The following TSPAN8 variants were observed in gnomAD, a reference collection of about 807,000 sequenced individuals.
TSPAN8 encodes tetraspanin 8.
In TSPAN8, 21 loss-of-function variants were observed where a neutral mutation model predicts 32.8. The ratio of observed to expected loss-of-function variants is 0.64; its 90% CI spans 0.45 to 0.92. The LOEUF (loss-of-function observed/expected upper bound fraction) is 0.92. Among genes scored for constraint, TSPAN8 ranks in the 40% least tolerant of loss-of-function variants. The pLI is 0.00. For synonymous variants in TSPAN8, 95 were observed against 94.6 expected, an observed-to-expected ratio of 1.00 and a Z score of -0.03; for missense variants, 269 against 281.9, an observed-to-expected ratio of 0.95 and a Z score of 0.33.
intron 2 of TSPAN8, chr12:71,157,230 G>A (rs895633005): frequency 1.8e-5 from 3 of 169,244 alleles, no homozygotes; most frequent in Admixed American, 1.2e-4. Context: ...AGTGAAGGGC[G>A]GGAATCAGGA....
At chr12:71,139,610 G>T in intron 4 of TSPAN8, 101 bp downstream of exon 4, 1 of 1,433,300 alleles carries the variant, frequency 7.0e-7, no homozygotes, top group Non-Finnish European at 9.4e-7. Context: ...TGGAGTTAGA[G>T]TTTCATCAAT....
chr12:71,148,398 C>T (rs1872142705), intron 2 of TSPAN8, among the ~76,000 whole-genome samples: 1 of 152,076 alleles, frequency 6.6e-6, no homozygotes, highest in South Asian at 2.1e-4. Flanking sequence ...GCATTATTTG[C>T]TTGTTTTCTT....
chr12:71,136,020 G>T (rs977509357), intron 6 of TSPAN8, among the ~76,000 whole-genome samples: 2 of 151,930 alleles, frequency 1.3e-5, no homozygotes, highest in Non-Finnish European at 2.9e-5. Context: ...TCAGCTTTCG[G>T]AAATGATGCT....
chr12:71,147,793 CAA>C (rs1682728550), intron 2 of TSPAN8, among the ~76,000 whole-genome samples: 1 of 152,162 alleles, frequency 6.6e-6, no homozygotes, highest in Non-Finnish European at 1.5e-5. Flanking sequence ...AACAAAGTCT[CAA>C]GAGGGTACAA....
In TSPAN8 at chr12:71,143,402, G is replaced by A. The variant is rs562682873; in HGVS notation, c.123+749C>T. ...CTGTGGCATGGAACAGATACCACACGTATGGGGTCCAATAGCTGGAGCCAG... is the reference window on the plus strand; with the variant it reads ...CTGTGGCATGGAACAGATACCACACATATGGGGTCCAATAGCTGGAGCCAG... On this transcript the variant is annotated intron_variant, in intron 3 of 8. Transcript: ENST00000247829. 1.1e-4 allele frequency among the ~76,000 whole-genome samples: 16 copies of A among 152,208 alleles called. No homozygotes were observed. In the East Asian group the frequency reaches 2.5e-3, roughly 24 times the overall value.
chr12:71,155,123 A>G (rs1371006816), intron 2 of TSPAN8, among the ~76,000 whole-genome samples: 3 of 152,238 alleles, frequency 2.0e-5, no homozygotes, highest in Admixed American at 2.0e-4. Flanking sequence ...AAAAAATATT[A>G]AAAATGGGAT....
chr12:71,139,359 C>A (rs1178524532), intron 4 of TSPAN8: 8 of 452,878 alleles, frequency 1.8e-5, no homozygotes, highest in Non-Finnish European at 3.3e-5. Flanking sequence ...CTTCTGGGGC[C>A]ACTCCCACTG....
At position 71,157,989 on chromosome 12, in the gene TSPAN8, C is replaced by T. The variant is rs1321366698; in HGVS notation, c.-169G>A. 3.2e-6 allele frequency: 1 copy of T among 315,828 alleles called. No homozygotes were observed. The highest frequency in any genetic ancestry group is 5.9e-6 in the Non-Finnish European group (1 of 170,126). 19.6% of individuals were successfully genotyped at this position (315,828 alleles called of 1,614,324 possible). Reference sequence around the variant, plus strand: ...GTATGTTCCTTTGCTTGTCATAGCTCCTGGGGCACTGGGCCAGGATATTTA... The same window carrying T: ...GTATGTTCCTTTGCTTGTCATAGCTTCTGGGGCACTGGGCCAGGATATTTA... On this transcript the variant is annotated 5_prime_UTR_variant, in exon 1 of 9. Coordinates refer to ENST00000247829, the MANE Select transcript of TSPAN8 (RefSeq NM_004616.3).
At chr12:71,135,246 GGAGGAGGAGGTAAGAA>G (rs1871649176) in intron 6 of TSPAN8, among the ~76,000 whole-genome samples, 1 of 63,792 alleles carries the variant, frequency 1.6e-5, no homozygotes, top group Admixed American at 2.1e-4. Flanking sequence ...AGGAGGAGGA[GGAGGAGGAGGTAAGAA>G]GAGGAGGAGG....
At chr12:71,131,027 T>A (rs1275820714) in intron 7 of TSPAN8, among the ~76,000 whole-genome samples, 2 of 152,200 alleles carry the variant, frequency 1.3e-5, no homozygotes, top group African/African-American at 2.4e-5. Context: ...ATAGTTTTTT[T>A]AGAATAATTC....
intron 6 of TSPAN8, among the ~76,000 whole-genome samples, chr12:71,137,494 G>A (rs150221282): frequency 6.6e-6 from 1 of 151,932 alleles, no homozygotes; most frequent in Admixed American, 6.6e-5. Flanking sequence ...CAGCTACTCA[G>A]GAGGCTGAGA....
intron 2 of TSPAN8, among the ~76,000 whole-genome samples, chr12:71,151,754 C>T (rs950063071): frequency 1.3e-5 from 2 of 152,180 alleles, no homozygotes; most frequent in Non-Finnish European, 2.9e-5. Context: ...CAACATGTAT[C>T]CTATATTCCT....
chr12:71,142,859 A>AAG (rs1349723050), intron 3 of TSPAN8, among the ~76,000 whole-genome samples: 1 of 151,802 alleles, frequency 6.6e-6, no homozygotes, highest in Non-Finnish European at 1.5e-5. Flanking sequence ...AAAAAAAAAA[A>AAG]AACAGAGATA....
chr12:71,157,783 C>T lies in TSPAN8; in HGVS notation c.-105G>A. On this transcript the variant is annotated 5_prime_UTR_variant, in exon 2 of 9. Coordinates refer to ENST00000247829, the MANE Select transcript of TSPAN8 (RefSeq NM_004616.3). ...ACTTGCCTGCAGAGATTTCTGTATC[C>T]ACGGCTTCAGAGCAGAAAGAGAAAG... The T allele has an allele frequency of 1.2e-6, 1 of 825,422 alleles. No homozygotes were observed. The allele number at this position is 825,422 out of a possible 1,614,324, so 51.1% of individuals were successfully genotyped here.
chr12:71,152,882 T>C (rs1452093649), intron 2 of TSPAN8, among the ~76,000 whole-genome samples: 1 of 152,160 alleles, frequency 6.6e-6, no homozygotes, highest in East Asian at 1.9e-4. Context: ...ACATCCAATC[T>C]CAATAAAATA....
In TSPAN8 at chr12:71,144,118, TG is replaced by T. The variant is rs1329508890; in HGVS notation, c.123+32del. The T allele has an allele frequency of 5.1e-6, 8 of 1,583,412 alleles. No individual in the cohort carries two copies. In the South Asian group the frequency reaches 9.1e-5, roughly 18 times the overall value. On this transcript the variant is annotated intron_variant, in intron 3 of 8. Coordinates refer to ENST00000247829, the MANE Select transcript of TSPAN8 (RefSeq NM_004616.3). ...TTATTATAAATGAAATAAACTACATTGGGGAAAGGGTGACTTGTTTTTGCAT... is the reference window on the plus strand; with the variant it reads ...TTATTATAAATGAAATAAACTACATTGGGAAAGGGTGACTTGTTTTTGCAT...
intron 2 of TSPAN8, among the ~76,000 whole-genome samples, chr12:71,153,151 A>AT (rs1307374634): frequency 2.0e-5 from 3 of 152,144 alleles, no homozygotes; most frequent in Non-Finnish European, 4.4e-5. Flanking sequence ...CCCATGTTTC[A>AT]TACTTACTCA....
intron 2 of TSPAN8, among the ~76,000 whole-genome samples, chr12:71,144,997 T>C (rs1268212935): frequency 1.3e-5 from 2 of 151,794 alleles, no homozygotes; most frequent in Admixed American, 1.3e-4. Context: ...AAAACAAAAA[T>C]CAAAGATCTA....
chr12:71,137,575 G>A (rs895593550), intron 6 of TSPAN8, among the ~76,000 whole-genome samples: 1 of 146,648 alleles, frequency 6.8e-6, no homozygotes, highest in African/African-American at 2.5e-5. Flanking sequence ...ACTCCAGCCT[G>A]GGTGACAGAG....
Sources: gnomAD v4.1 joint callset for allele counts (sites outside exome capture counted in the v4.1 genomes callset) on GRCh38, gnomAD v4.1.1 for gene constraint, MANE v1.5 for transcripts, NCBI Gene and HGNC (gene_info 2026-07-23, HGNC 2026-07-21) for gene names.